ESR1: variants seen among roughly 807,000 people sequenced by gnomAD.
ESR1 encodes the protein estrogen receptor.
In ESR1, 12 loss-of-function variants were observed where a neutral mutation model predicts 52.7. That is an observed-to-expected ratio of 0.23 (90% confidence interval 0.15 to 0.37). The LOEUF (loss-of-function observed/expected upper bound fraction) is 0.37. Among genes scored for constraint, ESR1 ranks in the 10% least tolerant of loss-of-function variants. The pLI, the probability that ESR1 is intolerant of heterozygous loss-of-function variation, is 1.00. For missense variants in ESR1, 584 were observed against 779.7 expected, an observed-to-expected ratio of 0.75 and a Z score of 2.99; for synonymous variants, 305 against 316.8, an observed-to-expected ratio of 0.96 and a Z score of 0.39.
chr6:151,882,249 C>T (rs766606131), intron 3 of ESR1, among the ~76,000 whole-genome samples: 11 of 152,068 alleles, frequency 7.2e-5, no homozygotes, highest in Non-Finnish European at 1.3e-4. Context: ...GTCATAAATA[C>T]GCCAGACAGG....
chr6:151,689,088 A>G (rs1778799023), upstream of ESR1, among the ~76,000 whole-genome samples: 1 of 152,222 alleles, frequency 6.6e-6, no homozygotes, highest in Non-Finnish European at 1.5e-5. Flanking sequence ...TAGCTGTCCT[A>G]TTTTGAGAAC....
chr6:151,658,430 A>G (rs1230126287), intron 1 of ESR1, among the ~76,000 whole-genome samples: 1 of 152,188 alleles, frequency 6.6e-6, no homozygotes, highest in African/African-American at 2.4e-5. Flanking sequence ...CTGTTTTGTT[A>G]AAATCATTCT....
intron 6 of ESR1, among the ~76,000 whole-genome samples, chr6:152,069,114 G>C (rs1443841676): frequency 7.3e-6 from 1 of 137,194 alleles, no homozygotes; most frequent in Non-Finnish European, 1.5e-5. Context: ...AGGAGCTGTA[G>C]CAGAGAAAGA....
At chr6:152,108,224 C>T (rs1467301662), downstream of ESR1, among the ~76,000 whole-genome samples, 7 of 142,614 alleles carry the variant, frequency 4.9e-5, no homozygotes, top group Non-Finnish European at 3.0e-5. Flanking sequence ...ATTGGCCCTG[C>T]ACACTCATCC....
At chr6:151,843,026 A>G (rs571303948) in intron 2 of ESR1, among the ~76,000 whole-genome samples, 1 of 152,304 alleles carries the variant, frequency 6.6e-6, no homozygotes, top group South Asian at 2.1e-4. Context: ...GCAAGACTCA[A>G]TCAGTCTTGA....
chr6:151,899,353 A>AC (rs1264583154), intron 3 of ESR1, among the ~76,000 whole-genome samples: 4 of 86,132 alleles, frequency 4.6e-5, no homozygotes, highest in Non-Finnish European at 8.5e-5. Context: ...CGGGGGGCTG[A>AC]CCCCCCCACC....
intron 2 of ESR1, among the ~76,000 whole-genome samples, chr6:151,873,108 GAA>G (rs1469173533): frequency 6.6e-6 from 1 of 152,160 alleles, no homozygotes; most frequent in East Asian, 1.9e-4. Context: ...TTGCAATCTG[GAA>G]AGTAGATACC....
At chr6:151,707,278 A>G (rs192683947) in intron 2 of ESR1, among the ~76,000 whole-genome samples, 6 of 152,322 alleles carry the variant, frequency 3.9e-5, no homozygotes, top group Admixed American at 2.0e-4. Context: ...CTCATCAGCT[A>G]TAGATAATCA....
chr6:151,988,420 G>C (rs1051828585), intron 4 of ESR1, among the ~76,000 whole-genome samples: 21 of 152,200 alleles, frequency 1.4e-4, no homozygotes, highest in African/African-American at 5.1e-4. Context: ...AGCAATGGGA[G>C]TGGCTGTAAA....
chr6:151,957,218 GC>G (rs2037103391), intron 4 of ESR1, among the ~76,000 whole-genome samples: 1 of 152,014 alleles, frequency 6.6e-6, no homozygotes, highest in African/African-American at 2.4e-5. Flanking sequence ...CACAACTTTT[GC>G]CATTGGGCGA....
At chr6:151,683,888 G>A (rs879349007) in intron 1 of ESR1, among the ~76,000 whole-genome samples, 1 of 115,932 alleles carries the variant, frequency 8.6e-6, no homozygotes, top group Non-Finnish European at 1.7e-5. Context: ...TTTTTTTGTA[G>A]TTTTAGTAGA....
intron 2 of ESR1, among the ~76,000 whole-genome samples, chr6:151,846,965 A>G (rs1308847591): frequency 6.6e-6 from 1 of 152,148 alleles, no homozygotes; most frequent in East Asian, 1.9e-4. Context: ...CTTCTCTTTC[A>G]TTATTATTTC....
At chr6:151,700,571 C>T (rs1779695141) in intron 1 of ESR1, among the ~76,000 whole-genome samples, 1 of 151,828 alleles carries the variant, frequency 6.6e-6, no homozygotes, top group African/African-American at 2.4e-5. Flanking sequence ...AGATGTTTCC[C>T]AGTCCTAAAA....
intron 2 of ESR1, among the ~76,000 whole-genome samples, chr6:151,869,011 C>A (rs1016407523): frequency 2.0e-5 from 3 of 152,122 alleles, no homozygotes; most frequent in African/African-American, 4.8e-5. Context: ...TCTCCCAAAG[C>A]ACCAAAATGG....
intron 1 of ESR1, among the ~76,000 whole-genome samples, chr6:151,822,664 T>G (rs1250302703): frequency 1.3e-5 from 2 of 152,162 alleles, no homozygotes; most frequent in Non-Finnish European, 2.9e-5. Flanking sequence ...GAAAGAGAAA[T>G]GAAAGCTGCA....
intron 5 of ESR1, among the ~76,000 whole-genome samples, chr6:152,044,291 A>G (rs2128906899): frequency 1.3e-5 from 2 of 152,292 alleles, no homozygotes; most frequent in East Asian, 3.9e-4. Context: ...TTTGGCGTCT[A>G]ATCATATTTA....
intron 2 of ESR1, among the ~76,000 whole-genome samples, chr6:151,790,186 C>T (rs1787394948): frequency 6.6e-6 from 1 of 152,224 alleles, no homozygotes. Flanking sequence ...CCCACTTGGG[C>T]TGGATGCAAA....
At chr6:151,997,901 C>T (rs1301802497) in intron 4 of ESR1, among the ~76,000 whole-genome samples, 3 of 152,066 alleles carry the variant, frequency 2.0e-5, no homozygotes, top group East Asian at 1.9e-4. Context: ...AGGAAAGCCA[C>T]GGGGAGGGAA....
In ESR1 at chr6:152,002,185, A is replaced by AGTGTGTGTGTGT. The variant is rs10578838; in HGVS notation, c.1097-9445_1097-9434dup. Among the ~76,000 whole-genome samples, 1,031 of 141,486 alleles carry AGTGTGTGTGTGT rather than the reference A, an allele frequency of 7.3e-3. 7 individuals carry two copies. The highest frequency in any genetic ancestry group is 0.014 in the African/African-American group (531 of 38,464). The allele number at this position is 141,486 out of a possible 152,430, so 92.8% of individuals were successfully genotyped here. On this transcript the variant is annotated intron_variant, in intron 4 of 7. Coordinates refer to ENST00000206249, the MANE Select transcript of ESR1 (RefSeq NM_000125.4). ...AGGTGTTCCTCTAGATTTTAAATCA[A>AGTGTGTGTGTGT]GTGTGTGTGTGTGTGTGTGTGTGTG...
Sources: gnomAD v4.1 joint callset for allele counts (sites outside exome capture counted in the v4.1 genomes callset) on GRCh38, gnomAD v4.1.1 for gene constraint, MANE v1.5 for transcripts, NCBI Gene and HGNC (gene_info 2026-07-23, HGNC 2026-07-21) for gene names.